The following ATOSA variants were observed in gnomAD, a reference collection of about 807,000 sequenced individuals.
The protein encoded by ATOSA is atos homolog A, also known as atos homolog protein A.
the ATOSA span, among the ~76,000 whole-genome samples, chr15:52,702,101 A>G: frequency 6.6e-6 from 1 of 152,180 alleles, no homozygotes; most frequent in African/African-American, 2.4e-5. Context: ...ATGGCTATAA[A>G]AAAGTCAAAA....
chr15:52,616,788 G>A, the ATOSA span, among the ~76,000 whole-genome samples: 1 of 152,174 alleles, frequency 6.6e-6, no homozygotes, highest in South Asian at 2.1e-4. Flanking sequence ...GCATGGAACA[G>A]CAAAGAGAAT....
the ATOSA span, chr15:52,601,013 A>C: frequency 1.1e-6 from 1 of 883,822 alleles, no homozygotes. Context: ...TAGAATCAAC[A>C]TTATTTATTG....
chr15:52,649,307 A>C, the ATOSA span, among the ~76,000 whole-genome samples: 1 of 152,182 alleles, frequency 6.6e-6, no homozygotes, highest in African/African-American at 2.4e-5. Flanking sequence ...TATATCACTT[A>C]AGGCATACAT....
chr15:52,616,292 T>C, the ATOSA span, among the ~76,000 whole-genome samples: 3 of 152,200 alleles, frequency 2.0e-5, no homozygotes, highest in East Asian at 5.8e-4. Context: ...TAGTGACGTG[T>C]TGCTTGAGAC....
chr15:52,606,386 T>C, the ATOSA span, among the ~76,000 whole-genome samples: 6 of 152,128 alleles, frequency 3.9e-5, no homozygotes, highest in African/African-American at 9.7e-5. Context: ...TAAAAGACTA[T>C]TCTGGGTCTT....
the ATOSA span, chr15:52,609,835 T>C: frequency 6.2e-7 from 1 of 1,613,890 alleles, no homozygotes; most frequent in Non-Finnish European, 8.5e-7. Context: ...TATTAAAGGG[T>C]TAGTCTCACC....
the ATOSA span, among the ~76,000 whole-genome samples, chr15:52,607,874 GGTTT>G: frequency 6.6e-6 from 1 of 151,908 alleles, no homozygotes. Context: ...TTGGTTGGTT[GGTTT>G]TTTTCTGTTT....
At chr15:52,694,606 A>G in the ATOSA span, among the ~76,000 whole-genome samples, 3 of 152,196 alleles carry the variant, frequency 2.0e-5, no homozygotes, top group South Asian at 6.2e-4. Context: ...GGCTGAGGTG[A>G]GAGAATTGCT....
the ATOSA span, chr15:52,611,468 T>TCTC: frequency 1.6e-6 from 2 of 1,276,092 alleles, no homozygotes; most frequent in East Asian, 5.0e-5. Flanking sequence ...TATCTCAATT[T>TCTC]TATTACATAG....
At chr15:52,706,802 G>C in the ATOSA span, among the ~76,000 whole-genome samples, 1 of 152,164 alleles carries the variant, frequency 6.6e-6, no homozygotes. Context: ...CAAGAAGCCA[G>C]ATCACACATT....
chr15:52,650,829 A>C, the ATOSA span, among the ~76,000 whole-genome samples: 1 of 152,246 alleles, frequency 6.6e-6, no homozygotes, highest in Non-Finnish European at 1.5e-5. Context: ...TTATTAGCTC[A>C]ATACGGATCC....
chr15:52,694,025 C>A, the ATOSA span, among the ~76,000 whole-genome samples: 1 of 152,106 alleles, frequency 6.6e-6, no homozygotes, highest in African/African-American at 2.4e-5. Flanking sequence ...GGTATGACTA[C>A]TTTGCATTTT....
chr15:52,704,606 A>C, the ATOSA span, among the ~76,000 whole-genome samples: 3 of 152,212 alleles, frequency 2.0e-5, no homozygotes, highest in Non-Finnish European at 4.4e-5. Flanking sequence ...CAATCTATCC[A>C]TCTGACAAAG....
the ATOSA span, among the ~76,000 whole-genome samples, chr15:52,704,871 T>C: frequency 6.6e-6 from 1 of 152,124 alleles, no homozygotes; most frequent in Non-Finnish European, 1.5e-5. Flanking sequence ...CTGGAGAGGA[T>C]GTGGAGAAAT....
At chr15:52,584,968 T>TTC in the ATOSA span, 1 of 1,543,562 alleles carries the variant, frequency 6.5e-7, no homozygotes, top group East Asian at 2.4e-5. Context: ...ATAGAAATTA[T>TTC]TCTTTAAAAA....
chr15:52,662,960 C>T, the ATOSA span, among the ~76,000 whole-genome samples: 17 of 151,954 alleles, frequency 1.1e-4, no homozygotes, highest in Non-Finnish European at 7.4e-5. Context: ...TTTATAACAG[C>T]GGGCGATAAT....
chr15:52,625,735 CT>C, the ATOSA span, among the ~76,000 whole-genome samples: 1 of 152,154 alleles, frequency 6.6e-6, no homozygotes, highest in Non-Finnish European at 1.5e-5. Context: ...TCATCTAGCT[CT>C]TTGAAAACTG....
At chr15:52,600,998 A>G in the ATOSA span, 1 of 782,218 alleles carries the variant, frequency 1.3e-6, no homozygotes, top group Non-Finnish European at 2.1e-6. Context: ...TACAATTCTG[A>G]TGTTTAGAAT....
chr15:52,605,312 TTTTTG>T, the ATOSA span: 6 of 1,228,336 alleles, frequency 4.9e-6, no homozygotes, highest in South Asian at 1.4e-5. Context: ...TTGGACAGTG[TTTTTG>T]TTTTTAGACT....
Sources: gnomAD v4.1 joint callset for allele counts (sites outside exome capture counted in the v4.1 genomes callset) on GRCh38, gnomAD v4.1.1 for gene constraint, MANE v1.5 for transcripts, NCBI Gene and HGNC (gene_info 2026-07-23, HGNC 2026-07-21) for gene names.